PHEX: variants seen among roughly 807,000 people sequenced by gnomAD.
PHEX encodes phosphate-regulating neutral endopeptidase PHEX.
In PHEX, 16 loss-of-function variants were observed where a neutral mutation model predicts 68.0. The observed-to-expected ratio is 0.24, with a 90% CI of 0.16 to 0.36. The LOEUF (loss-of-function observed/expected upper bound fraction) is 0.36. PHEX is among the 10% of genes least tolerant of loss of function. PHEX has a pLI of 1.00. For missense variants in PHEX, 480 were observed against 575.5 expected, an observed-to-expected ratio of 0.83 and a Z score of 1.70; for synonymous variants, 208 against 205.1, an observed-to-expected ratio of 1.01 and a Z score of -0.12.
chrX:22,131,321 A>G (rs960031830), intron 11 of PHEX, among the ~76,000 whole-genome samples: 4 of 112,383 alleles, frequency 3.6e-5, no homozygotes, highest in Admixed American at 2.8e-4. Context: ...GATTACAGGT[A>G]TGAGCCCCTG....
chrX:22,064,053 AGCTATTACATGAC>A (rs1201039764), intron 3 of PHEX, among the ~76,000 whole-genome samples: 1 of 112,762 alleles, frequency 8.9e-6, no homozygotes, highest in Non-Finnish European at 1.9e-5. Context: ...AGAAAGAGTA[AGCTATTACATGAC>A]GCTTTTTTAT....
intron 13 of PHEX, among the ~76,000 whole-genome samples, chrX:22,176,117 T>A: frequency 9.0e-6 from 1 of 111,013 alleles, no homozygotes; most frequent in Non-Finnish European, 1.9e-5. Context: ...GCCAGCGCGG[T>A]GGCCCACACC....
intron 3 of PHEX, among the ~76,000 whole-genome samples, chrX:22,068,390 A>G (rs752285174): frequency 4.5e-5 from 5 of 112,185 alleles, no homozygotes; most frequent in Non-Finnish European, 7.5e-5. Flanking sequence ...TGATGTAACC[A>G]GGGAAGGTCT....
intron 20 of PHEX, among the ~76,000 whole-genome samples, chrX:22,236,955 T>C (rs1040828941): frequency 7.1e-5 from 8 of 112,317 alleles, no homozygotes; most frequent in Admixed American, 9.4e-5. Context: ...ACTAAAGAGA[T>C]AGATAGATAG....
intron 10 of PHEX, among the ~76,000 whole-genome samples, chrX:22,113,005 TTGTGTGTGTGTGTGTGTGTGTGTGTGTG>T (rs560422828): frequency 3.4e-5 from 3 of 88,693 alleles, no homozygotes; most frequent in Admixed American, 2.5e-4. Context: ...CAAGTAGGTT[TTGTGTGTGTGTGTGTGTGTGTGTGTGTG>T]TGTGTGTGTG....
intron 5 of PHEX, among the ~76,000 whole-genome samples, chrX:22,089,074 T>C (rs1350398745): frequency 8.9e-6 from 1 of 112,454 alleles, no homozygotes; most frequent in Non-Finnish European, 1.9e-5. Flanking sequence ...CAGGCTGGAG[T>C]GCAGTGGCGC....
At chrX:22,216,492 C>CTTGTTTATTTAT (rs1405603479) in intron 16 of PHEX, among the ~76,000 whole-genome samples, 1 of 88,041 alleles carries the variant, frequency 1.1e-5, no homozygotes, top group African/African-American at 4.8e-5. Flanking sequence ...TTTTTTTATG[C>CTTGTTTATTTAT]TTATTTATTT....
rs781564040 is a variant in PHEX at position 22,065,931 on chromosome X, C to T, written c.350-10457C>T. Among the ~76,000 whole-genome samples the T allele has an allele frequency of 1.5e-3, 173 of 111,857 alleles. 1 individual carries two copies. Among genetic ancestry groups the T allele is most frequent in the African/African-American group, 5.5e-3 (168 of 30,819 alleles). ...TTTGTTCGCCACAGATTATGGGTCT[C>T]TCATTTCAAATGTCTCCAGTTTTAA... On this transcript the variant is annotated intron_variant, in intron 3 of 21. Transcript: ENST00000379374.
At chrX:22,100,996 A>G (rs1930395392) in intron 9 of PHEX, among the ~76,000 whole-genome samples, 1 of 109,964 alleles carries the variant, frequency 9.1e-6, no homozygotes, top group Non-Finnish European at 1.9e-5. Flanking sequence ...ACATGGTGAA[A>G]CCCCGTCTCT....
intron 3 of PHEX, 64 bp downstream of exon 3, chrX:22,047,275 A>G (rs1927588363): frequency 3.1e-6 from 3 of 970,027 alleles, no homozygotes; most frequent in South Asian, 3.9e-5. Context: ...GGAAAAACAT[A>G]GTTTGGGATT....
rs776451938 is a variant in PHEX, at chrX:22,128,257, T to C, written c.1303-5266T>C. Among the ~76,000 whole-genome samples the C allele has an allele frequency of 3.7e-5, 4 of 108,540 alleles. No homozygotes were observed. In the East Asian group the frequency reaches 1.1e-3, roughly 31 times the overall value. 94.3% of individuals were successfully genotyped at this position (108,540 alleles called of 115,157 possible). A position where few individuals can be genotyped will look rare whatever the true frequency, so the allele number is the denominator to read the frequency against. Reference sequence around the variant, plus strand: ...TTTTTGTATCTAGTAGAGACGGGGTTTCACCATGTTGGTCAGGCTGGTCTT... The same window carrying C: ...TTTTTGTATCTAGTAGAGACGGGGTCTCACCATGTTGGTCAGGCTGGTCTT... On this transcript the variant is annotated intron_variant, in intron 11 of 21. Coordinates refer to ENST00000379374, the MANE Select transcript of PHEX (RefSeq NM_000444.6).
intron 11 of PHEX, among the ~76,000 whole-genome samples, chrX:22,116,440 C>A (rs1158859583): frequency 1.8e-5 from 2 of 111,285 alleles, no homozygotes; most frequent in Non-Finnish European, 3.8e-5. Context: ...TAATAATAAT[C>A]CGTGTAGTCA....
intron 3 of PHEX, among the ~76,000 whole-genome samples, chrX:22,065,630 T>C (rs1454325926): frequency 8.9e-6 from 1 of 111,863 alleles, no homozygotes; most frequent in Non-Finnish European, 1.9e-5. Flanking sequence ...TTCACTATGT[T>C]GGCCAGGATG....
At chrX:22,053,872 A>G (rs1927952832) in intron 3 of PHEX, among the ~76,000 whole-genome samples, 1 of 112,101 alleles carries the variant, frequency 8.9e-6, no homozygotes, top group Admixed American at 9.5e-5. Context: ...TTCATAGACC[A>G]TTTATTTGTA....
intron 12 of PHEX, among the ~76,000 whole-genome samples, chrX:22,138,231 A>C (rs773582242): frequency 1.5e-4 from 17 of 112,869 alleles, no homozygotes; most frequent in African/African-American, 5.1e-4. Flanking sequence ...CCTTGCCTGT[A>C]AGGCAACAGC....
chrX:22,055,681 C>T (rs1174360246), intron 3 of PHEX, among the ~76,000 whole-genome samples: 1 of 111,517 alleles, frequency 9.0e-6, no homozygotes. Flanking sequence ...CCTGCCTCAG[C>T]TTCCTGAGTA....
chrX:22,151,896 G>A (rs1329541270), intron 12 of PHEX, among the ~76,000 whole-genome samples: 1 of 111,402 alleles, frequency 9.0e-6, no homozygotes, highest in East Asian at 2.8e-4. Context: ...TAGAGAGGGA[G>A]GGAGAACCTC....
chrX:22,246,819 C>T (rs868805179), intron 21 of PHEX, among the ~76,000 whole-genome samples: 58 of 111,819 alleles, frequency 5.2e-4, no homozygotes, highest in African/African-American at 1.8e-3. Flanking sequence ...TGCAAATGCC[C>T]GTAGGTAACA....
At chrX:22,045,211 A>G (rs1927473799) in intron 2 of PHEX, among the ~76,000 whole-genome samples, 1 of 112,066 alleles carries the variant, frequency 8.9e-6, no homozygotes, top group Admixed American at 9.6e-5. Context: ...GGAACCACAC[A>G]TGTAACCAAA....
Sources: allele counts gnomAD v4.1 joint callset (sites outside exome capture counted in the v4.1 genomes callset), GRCh38; gene constraint gnomAD v4.1.1; transcripts MANE v1.5; gene names NCBI Gene and HGNC (gene_info 2026-07-23, HGNC 2026-07-21).